The following LDLRAD4 variants were observed in gnomAD, a reference collection of about 807,000 sequenced individuals.
The protein encoded by LDLRAD4 is low density lipoprotein receptor class A domain containing 4, also known as low-density lipoprotein receptor class A domain-containing protein 4.
Under a neutral mutation model 17.0 loss-of-function variants are expected in LDLRAD4, and 5 were observed. That is an observed-to-expected ratio of 0.29 (90% CI 0.15 to 0.62). The LOEUF is 0.62. Ranked by LOEUF, LDLRAD4 falls within the 20% of genes least tolerant of loss-of-function variation. The pLI, the probability that LDLRAD4 is intolerant of heterozygous loss-of-function variation, is 0.84. For missense variants in LDLRAD4, 340 were observed against 424.7 expected, an observed-to-expected ratio of 0.80 and a Z score of 1.75; for synonymous variants, 168 against 171.8, an observed-to-expected ratio of 0.98 and a Z score of 0.17.
At chr18:13,533,731 TG>T (rs1381910149) in intron 3 of LDLRAD4, among the ~76,000 whole-genome samples, 7 of 152,030 alleles carry the variant, frequency 4.6e-5, no homozygotes, top group Admixed American at 3.9e-4. Context: ...AGGGATGAGA[TG>T]GGTATTTTTG....
At chr18:13,339,175 A>G (rs954842606) in intron 1 of LDLRAD4, among the ~76,000 whole-genome samples, 1 of 151,486 alleles carries the variant, frequency 6.6e-6, no homozygotes, top group Non-Finnish European at 1.5e-5. Flanking sequence ...TGAGCACATA[A>G]TCTCTTTAAA....
chr18:13,640,514 G>T (rs2042452878), intron 4 of LDLRAD4, among the ~76,000 whole-genome samples: 1 of 152,182 alleles, frequency 6.6e-6, no homozygotes, highest in Non-Finnish European at 1.5e-5. Flanking sequence ...CCTGCTCCAG[G>T]CTTGGTTCTC....
At chr18:13,560,077 C>T (rs141643083) in intron 3 of LDLRAD4, among the ~76,000 whole-genome samples, 3 of 152,288 alleles carry the variant, frequency 2.0e-5, no homozygotes, top group African/African-American at 7.2e-5. Flanking sequence ...TAATTGGTAG[C>T]AGAAAAAGTG....
intron 3 of LDLRAD4, chr18:13,612,663 G>A: frequency 6.2e-7 from 1 of 1,613,592 alleles, no homozygotes; most frequent in Non-Finnish European, 8.5e-7. Flanking sequence ...AACGTGGGGG[G>A]GCTGCGTCAC....
intron 2 of LDLRAD4, among the ~76,000 whole-genome samples, chr18:13,430,434 C>T (rs1051123365): frequency 6.6e-6 from 1 of 152,196 alleles, no homozygotes; most frequent in Non-Finnish European, 1.5e-5. Context: ...TTTATTTAAA[C>T]CCTGCAGATT....
chr18:13,610,089 A>G (rs1168658493), intron 3 of LDLRAD4, among the ~76,000 whole-genome samples: 2 of 152,132 alleles, frequency 1.3e-5, no homozygotes, highest in Non-Finnish European at 2.9e-5. Context: ...GGAATAGCTG[A>G]TGGCCGTTAA....
At chr18:13,228,881 T>G (rs548630045) in intron 1 of LDLRAD4, among the ~76,000 whole-genome samples, 1 of 152,366 alleles carries the variant, frequency 6.6e-6, no homozygotes, top group South Asian at 2.1e-4. Context: ...GTAGTAAATT[T>G]AGTCCAGAAA....
chr18:13,269,360 G>A (rs1252794976), intron 1 of LDLRAD4, among the ~76,000 whole-genome samples: 1 of 152,156 alleles, frequency 6.6e-6, no homozygotes, highest in African/African-American at 2.4e-5. Context: ...AGAGGAACTT[G>A]GTAATTTTTT....
intron 3 of LDLRAD4, among the ~76,000 whole-genome samples, chr18:13,555,897 A>G (rs1031558682): frequency 1.3e-5 from 2 of 152,186 alleles, no homozygotes; most frequent in Non-Finnish European, 2.9e-5. Context: ...TGTGTGAATT[A>G]TTCTTACCTT....
chr18:13,391,850 G>T (rs142643207), intron 2 of LDLRAD4, among the ~76,000 whole-genome samples: 3 of 152,228 alleles, frequency 2.0e-5, no homozygotes, highest in African/African-American at 7.2e-5. Flanking sequence ...TACATTACGA[G>T]CATTTTTCTT....
intron 2 of LDLRAD4, among the ~76,000 whole-genome samples, chr18:13,401,100 G>C (rs1437667387): frequency 6.6e-6 from 1 of 152,162 alleles, no homozygotes; most frequent in Non-Finnish European, 1.5e-5. Context: ...GGACAAGGGA[G>C]GGCAAGGGCA....
chr18:13,462,297 GT>G (rs778039398), intron 3 of LDLRAD4: 1 of 152,352 alleles, frequency 6.6e-6, no homozygotes, highest in Non-Finnish European at 1.5e-5. Context: ...GGCCGTGGGA[GT>G]AAGGCCGGGA....
chr18:13,589,500 C>A lies in LDLRAD4; in HGVS notation c.182-31617C>A, dbSNP rs1043435754. Among the ~76,000 whole-genome samples the A allele has an allele frequency of 2.0e-4, 30 of 152,270 alleles. 1 individual carries two copies. The East Asian group carries it at 2.3e-3, about 12-fold the overall frequency. ...AGGGTTTCCGCTCCCATCACCGTGG[C>A]TTTTTGGGGAGCCTTGCTGGTGTGT... On this transcript the variant is annotated intron_variant, in intron 3 of 5. Transcript: ENST00000359446.
intron 3 of LDLRAD4, among the ~76,000 whole-genome samples, chr18:13,494,837 A>G (rs1226253311): frequency 6.9e-6 from 1 of 144,660 alleles, no homozygotes; most frequent in Non-Finnish European, 1.5e-5. Context: ...GTCTTCAACA[A>G]TGGTCATTTG....
At chr18:13,518,558 T>C (rs2093906171) in intron 3 of LDLRAD4, among the ~76,000 whole-genome samples, 1 of 152,254 alleles carries the variant, frequency 6.6e-6, no homozygotes, top group Non-Finnish European at 1.5e-5. Flanking sequence ...GTGTTTATGC[T>C]GGATCTCACT....
intron 3 of LDLRAD4, among the ~76,000 whole-genome samples, chr18:13,598,399 G>A (rs2095120138): frequency 6.6e-6 from 1 of 152,194 alleles, no homozygotes; most frequent in Non-Finnish European, 1.5e-5. Flanking sequence ...CCAGCTGTTA[G>A]TTTCCACTAA....
At chr18:13,572,255 G>C (rs554896554) in intron 3 of LDLRAD4, among the ~76,000 whole-genome samples, 30 of 152,272 alleles carry the variant, frequency 2.0e-4, no homozygotes, top group African/African-American at 6.5e-4. Context: ...TAGTGCTTTC[G>C]TTGATGGTTT....
intron 1 of LDLRAD4, among the ~76,000 whole-genome samples, chr18:13,282,428 T>C (rs1416843745): frequency 6.6e-6 from 1 of 152,196 alleles, no homozygotes; most frequent in Non-Finnish European, 1.5e-5. Flanking sequence ...ACAATAAGGG[T>C]ACAGGTATTG....
intron 3 of LDLRAD4, among the ~76,000 whole-genome samples, chr18:13,555,970 G>GT (rs1217684594): frequency 6.6e-6 from 1 of 152,116 alleles, no homozygotes; most frequent in Non-Finnish European, 1.5e-5. Context: ...TGAATCTGTG[G>GT]TAAGCATTAG....
Sources: allele counts gnomAD v4.1 joint callset (sites outside exome capture counted in the v4.1 genomes callset), GRCh38; gene constraint gnomAD v4.1.1; transcripts MANE v1.5; gene names NCBI Gene and HGNC (gene_info 2026-07-23, HGNC 2026-07-21).